Variants in PHF20 observed in about 807,000 individuals in gnomAD.
PHF20 encodes PHD finger protein 20, also known as glioma-expressed antigen 2.
In PHF20, 23 loss-of-function variants were observed where a neutral mutation model predicts 113.5. The observed-to-expected ratio is 0.20, with a 90% CI of 0.15 to 0.29. PHF20 has a LOEUF of 0.29. PHF20 is among the 10% of genes least tolerant of loss of function. The pLI is 1.00. For missense variants in PHF20, 943 were observed against 1,219.6 expected, an observed-to-expected ratio of 0.77 and a Z score of 3.38; for synonymous variants, 434 against 457.3, an observed-to-expected ratio of 0.95 and a Z score of 0.65.
At chr20:35,794,836 CTT>C (rs1246986416) in intron 1 of PHF20, among the ~76,000 whole-genome samples, 1 of 152,128 alleles carries the variant, frequency 6.6e-6, no homozygotes, top group Admixed American at 6.6e-5. Flanking sequence ...CGACAGTACT[CTT>C]TTGCCTCTCC....
At chr20:35,936,050 T>G (rs534031817) in intron 15 of PHF20, among the ~76,000 whole-genome samples, 1 of 152,346 alleles carries the variant, frequency 6.6e-6, no homozygotes, top group East Asian at 1.9e-4. Flanking sequence ...GGCAGGGTCA[T>G]GCTTGCGAGA....
In PHF20 at chr20:35,802,805, G is replaced by A. The variant is rs2041805304; in HGVS notation, c.83+1200G>A. Among the ~76,000 whole-genome samples the A allele has an allele frequency of 3.3e-5, 5 of 151,824 alleles. No individual in the cohort carries two copies. In the South Asian group the frequency reaches 1.0e-3, roughly 32 times the overall value. On this transcript the variant is annotated intron_variant, in intron 2 of 17. Transcript: ENST00000374012. ...ATACAAAAAATTAGCCGGGCATGGT[G>A]GTGCATGCCTGTAATCCCAGCTTCT...
At chr20:35,791,537 G>GTATATATATATA (rs59752864) in intron 1 of PHF20, among the ~76,000 whole-genome samples, 8 of 127,232 alleles carry the variant, frequency 6.3e-5, no homozygotes, top group African/African-American at 1.8e-4. Context: ...TTAGAATAGT[G>GTATATATATATA]TATATATATA....
At chr20:35,854,043 C>T (rs1285632531) in intron 4 of PHF20, among the ~76,000 whole-genome samples, 1 of 152,128 alleles carries the variant, frequency 6.6e-6, no homozygotes, top group Admixed American at 6.5e-5. Flanking sequence ...CGTGAGCCAC[C>T]ATGCCCGGCC....
At position 35,933,506 on chromosome 20, in the gene PHF20, C is replaced by T. The variant is rs1441415509; in HGVS notation, c.2300+2062C>T. On this transcript the variant is annotated intron_variant, in intron 15 of 17. Transcript: ENST00000374012. ...CTGCCTCCTGGGTTCACGCCATTCT[C>T]CTGCCTCAGCCTCCCGAGTAGCTGG... 3.3e-5 allele frequency among the ~76,000 whole-genome samples: 5 copies of T among 152,026 alleles called. No individual in the cohort carries two copies. The East Asian group carries it at 7.7e-4, about 23-fold the overall frequency.
At position 35,939,092 on chromosome 20, in the gene PHF20, A is replaced by C; in HGVS notation, c.2696A>C (p.Lys899Thr). 3.7e-6 allele frequency: 6 copies of C among 1,607,160 alleles called. No homozygotes were observed. The highest frequency in any genetic ancestry group is 5.1e-6 in the Non-Finnish European group (6 of 1,175,762). ...AGGAGCAAGGGGGACAGTGACCCCA[A>C]ACCCGGCTCCCCAAAGGTATGTGGC... Reference protein sequence around the residue: ...QDRSKGDSDPKPGSPKVKEYV... With the variant: ...QDRSKGDSDPTPGSPKVKEYV... The change falls in exon 16 of 18, where the codon AAA becomes ACA. Residue 899 changes from lysine to threonine, a missense_variant. By Grantham distance (78) the Lys-to-Thr change is moderately conservative. This residue lies in a region of PHF20 where 349 missense variants were observed against 412.3 expected (regional missense o/e 0.85). Coordinates refer to ENST00000374012, the MANE Select transcript of PHF20 (RefSeq NM_016436.5).
chr20:35,899,298 T>C (rs1161023977), intron 9 of PHF20, 72 bp from the exon 10 acceptor site: 4 of 1,273,260 alleles, frequency 3.1e-6, no homozygotes, highest in African/African-American at 1.5e-5. Flanking sequence ...TCAGTTGTCA[T>C]GTGTTAATGC....
chr20:35,941,577 C>T (rs188189696), intron 17 of PHF20, among the ~76,000 whole-genome samples: 108 of 152,210 alleles, frequency 7.1e-4, no homozygotes, highest in Admixed American at 1.8e-3. Flanking sequence ...AGGATCAAAC[C>T]GGTGATGATG....
chr20:35,914,469 T>G (rs1427274361), intron 12 of PHF20, among the ~76,000 whole-genome samples: 1 of 152,128 alleles, frequency 6.6e-6, no homozygotes, highest in African/African-American at 2.4e-5. Flanking sequence ...TTGGAGTAAG[T>G]CCTCAAAAGC....
At chr20:35,912,003 A>G (rs1285896247) in intron 10 of PHF20, among the ~76,000 whole-genome samples, 1 of 135,832 alleles carries the variant, frequency 7.4e-6, no homozygotes, top group Non-Finnish European at 1.6e-5. Flanking sequence ...TTTCTTTGAG[A>G]TGGAGTCTCG....
intron 1 of PHF20, among the ~76,000 whole-genome samples, chr20:35,789,481 G>A (rs764720932): frequency 5.9e-5 from 9 of 151,736 alleles, no homozygotes; most frequent in Non-Finnish European, 1.2e-4. Context: ...CCTGGAGGTC[G>A]GAACTGCAGG....
chr20:35,917,316 G>A lies in PHF20; in HGVS notation c.1826-168G>A, dbSNP rs929833085. 5 of 724,794 alleles carry A rather than the reference G, an allele frequency of 6.9e-6. No individual in the cohort carries two copies. In the African/African-American group the frequency reaches 8.7e-5, roughly 13 times the overall value. The allele number at this position is 724,794 out of a possible 1,614,324, so 44.9% of individuals were successfully genotyped here. A position where few individuals can be genotyped will look rare whatever the true frequency, so the allele number is the denominator to read the frequency against. On this transcript the variant is annotated intron_variant, in intron 12 of 17. Transcript: ENST00000374012. The stretch of plus-strand genomic sequence containing the variant: ...CCAGGCAGCATGCTTCGTTTGGGCT[G>A]TTACTAAATGACAGATCCAAGGACA...
At chr20:35,882,654 T>C in intron 9 of PHF20, among the ~76,000 whole-genome samples, 1 of 152,210 alleles carries the variant, frequency 6.6e-6, no homozygotes, top group Non-Finnish European at 1.5e-5. Flanking sequence ...TCTTGAACTC[T>C]GGGCCTCCGC....
chr20:35,897,223 A>G (rs1361150940), intron 9 of PHF20, among the ~76,000 whole-genome samples: 1 of 151,514 alleles, frequency 6.6e-6, no homozygotes, highest in Non-Finnish European at 1.5e-5. Flanking sequence ...TTTTTTTTGT[A>G]GAGATGGGGT....
At chr20:35,785,508 T>TG (rs35632462) in intron 1 of PHF20, among the ~76,000 whole-genome samples, 2,526 of 151,670 alleles carry the variant, frequency 0.017, 41 homozygotes, top group Non-Finnish European at 0.027. Context: ...TTAGTAGAGA[T>TG]GGGGTTTCAC....
chr20:35,798,901 A>G (rs1165217560), intron 1 of PHF20, among the ~76,000 whole-genome samples: 1 of 152,126 alleles, frequency 6.6e-6, no homozygotes, highest in East Asian at 1.9e-4. Flanking sequence ...AGCTGGGATT[A>G]TAAGCCTGAG....
At chr20:35,795,050 G>T (rs757313510) in intron 1 of PHF20, among the ~76,000 whole-genome samples, 20 of 151,952 alleles carry the variant, frequency 1.3e-4, no homozygotes, top group Non-Finnish European at 2.4e-4. Flanking sequence ...AAATTAGCTG[G>T]GTGTGGTGGT....
intron 2 of PHF20, among the ~76,000 whole-genome samples, chr20:35,808,651 C>T (rs1487215890): frequency 6.6e-6 from 1 of 152,026 alleles, no homozygotes; most frequent in African/African-American, 2.4e-5. Flanking sequence ...TGGCTCACTG[C>T]AAGCTCTGAC....
At chr20:35,829,313 A>G (rs2042316860) in intron 2 of PHF20, among the ~76,000 whole-genome samples, 1 of 152,054 alleles carries the variant, frequency 6.6e-6, no homozygotes, top group Non-Finnish European at 1.5e-5. Context: ...CTGTTCTGCA[A>G]CCATTACCAG....
Sources: gnomAD v4.1 joint callset for allele counts (sites outside exome capture counted in the v4.1 genomes callset) on GRCh38, gnomAD v4.1.1 for gene constraint, gnomAD v4.1.1 regional missense constraint, MANE v1.5 for transcripts, NCBI Gene and HGNC (gene_info 2026-07-23, HGNC 2026-07-21) for gene names.